Variants in USP15 observed in about 807,000 individuals in gnomAD.
USP15 encodes ubiquitin specific peptidase 15.
USP15 carries 18 observed loss-of-function variants against 127.1 expected under a neutral mutation model. The ratio of observed to expected loss-of-function variants is 0.14; its 90% CI spans 0.10 to 0.21. The LOEUF (loss-of-function observed/expected upper bound fraction) is 0.21, where lower values mean the gene tolerates loss of function less well. USP15 is among the 10% of genes least tolerant of loss of function. The pLI, the probability that USP15 is intolerant of heterozygous loss-of-function variation, is 1.00. For synonymous variants in USP15, 364 were observed against 393.7 expected (o/e 0.92, Z 0.89); for missense variants, 805 against 1,159.9 (o/e 0.69, Z 4.44).
At chr12:62,324,947 A>T (rs1323439867) in intron 5 of USP15, among the ~76,000 whole-genome samples, 1 of 152,048 alleles carries the variant, frequency 6.6e-6, no homozygotes, top group Admixed American at 6.6e-5. Flanking sequence ...AGACTTAATG[A>T]AACAGTAAAT....
chr12:62,400,516 A>G (rs2137663959), intron 20 of USP15, among the ~76,000 whole-genome samples: 1 of 151,192 alleles, frequency 6.6e-6, no homozygotes. Flanking sequence ...TTCCTCAAAT[A>G]TGTTTGATCT....
At position 62,411,520 on chromosome 12, in the gene USP15, C is replaced by T. The variant is rs974177116; in HGVS notation, c.*7145C>T. Reference sequence around the variant, plus strand: ...TTCGTAACACATTTAGAACCTTTGCCTTCAGCTGACATGAATTATGTTGTC... The same window carrying T: ...TTCGTAACACATTTAGAACCTTTGCTTTCAGCTGACATGAATTATGTTGTC... On this transcript the variant is annotated 3_prime_UTR_variant, in exon 22 of 22. Coordinates refer to ENST00000280377, the MANE Select transcript of USP15 (RefSeq NM_001252078.2). The T allele has an allele frequency of 5.9e-5, 9 of 152,172 alleles. No individual in the cohort carries two copies. The highest frequency in any genetic ancestry group is 2.2e-4 in the African/African-American group (9 of 41,428). 9.4% of individuals were successfully genotyped at this position (152,172 alleles called of 1,614,324 possible). A position where few individuals can be genotyped will look rare whatever the true frequency, so the allele number is the denominator to read the frequency against.
At chr12:62,330,452 A>G (rs2131437) in intron 6 of USP15, among the ~76,000 whole-genome samples, 130,977 of 151,690 alleles carry the variant, frequency 0.86, 56,880 homozygotes, top group African/African-American at 0.95. Flanking sequence ...AGGCATGGTA[A>G]CAGGCGCCTG....
chr12:62,336,568 T>A, intron 6 of USP15: 8 of 846,262 alleles, frequency 9.5e-6, no homozygotes, highest in Non-Finnish European at 1.1e-5. Flanking sequence ...ATTTGTCATA[T>A]TCGAAATTGA....
chr12:62,283,208 A>C (rs1029737293), intron 1 of USP15, among the ~76,000 whole-genome samples: 11 of 152,226 alleles, frequency 7.2e-5, no homozygotes, highest in Non-Finnish European at 1.5e-4. Context: ...AGTAAAAGCT[A>C]TTCCAGGTTT....
At chr12:62,287,938 A>G (rs767369168) in intron 1 of USP15, among the ~76,000 whole-genome samples, 9 of 152,098 alleles carry the variant, frequency 5.9e-5, no homozygotes, top group Non-Finnish European at 1.3e-4. Flanking sequence ...ATTCTGTTCC[A>G]TTGATCTGTG....
At chr12:62,379,035 A>G (rs951380424) in intron 8 of USP15, among the ~76,000 whole-genome samples, 1 of 152,068 alleles carries the variant, frequency 6.6e-6, no homozygotes, top group East Asian at 1.9e-4. Context: ...ATTTGGCAAA[A>G]CAAACTAAAA....
intron 1 of USP15, among the ~76,000 whole-genome samples, chr12:62,286,852 G>C (rs542171615): frequency 6.6e-6 from 1 of 151,490 alleles, no homozygotes; most frequent in African/African-American, 2.4e-5. Context: ...CAGGGGAATC[G>C]CTTGAACCCG....
intron 1 of USP15, among the ~76,000 whole-genome samples, chr12:62,262,770 A>G (rs2063104689): frequency 6.6e-6 from 1 of 152,172 alleles, no homozygotes; most frequent in African/African-American, 2.4e-5. Flanking sequence ...CCAAAATGCT[A>G]GTATTACAAG....
chr12:62,332,515 T>A (rs779691084), intron 6 of USP15, among the ~76,000 whole-genome samples: 3 of 152,192 alleles, frequency 2.0e-5, no homozygotes, highest in Admixed American at 6.5e-5. Flanking sequence ...TACAGTGGAG[T>A]CATTATAGAA....
At chr12:62,321,761 C>G (rs2064991086) in intron 5 of USP15, 152 bp downstream of exon 5, 1 of 532,932 alleles carries the variant, frequency 1.9e-6, no homozygotes, top group South Asian at 9.3e-5. Context: ...GTTACTGACT[C>G]TGACTTTTGA....
intron 1 of USP15, among the ~76,000 whole-genome samples, chr12:62,293,077 G>A (rs2064022301): frequency 6.6e-6 from 1 of 152,150 alleles, no homozygotes; most frequent in Admixed American, 6.5e-5. Context: ...TTGCAGTCTG[G>A]TGTAACACCC....
intron 19 of USP15, among the ~76,000 whole-genome samples, chr12:62,395,052 GC>G (rs1441844875): frequency 6.6e-6 from 1 of 152,116 alleles, no homozygotes; most frequent in African/African-American, 2.4e-5. Flanking sequence ...AAAGGATGTT[GC>G]CCATTTCGGG....
At chr12:62,314,650 T>C in intron 3 of USP15, 140 bp from the exon 4 acceptor site, 1 of 783,554 alleles carries the variant, frequency 1.3e-6, no homozygotes, top group Non-Finnish European at 1.8e-6. Flanking sequence ...TATCTTTTTT[T>C]ATATATATTG....
intron 1 of USP15, among the ~76,000 whole-genome samples, chr12:62,272,868 G>T (rs534956128): frequency 2.0e-5 from 3 of 151,952 alleles, no homozygotes; most frequent in Admixed American, 2.0e-4. Context: ...AGTTTTTGAC[G>T]TAGTATTTCA....
chr12:62,260,627 G>A, intron 1 of USP15, 124 bp downstream of exon 1: 1 of 896,532 alleles, frequency 1.1e-6, no homozygotes, highest in South Asian at 1.7e-5. Flanking sequence ...CGCCGGGGCA[G>A]CGGGATTTTG....
intron 3 of USP15, among the ~76,000 whole-genome samples, chr12:62,308,099 G>A (rs1380636994): frequency 6.6e-6 from 1 of 152,066 alleles, no homozygotes; most frequent in African/African-American, 2.4e-5. Flanking sequence ...TGTGCTATTT[G>A]TAGTTTCAGG....
intron 11 of USP15, among the ~76,000 whole-genome samples, chr12:62,386,663 T>C (rs963571496): frequency 6.6e-6 from 1 of 152,076 alleles, no homozygotes; most frequent in Non-Finnish European, 1.5e-5. Context: ...GTAGTTAATA[T>C]GGCAAGCAGG....
chr12:62,355,610 A>G lies in USP15; in HGVS notation c.915+135A>G, dbSNP rs1011805499. The G allele has an allele frequency of 1.0e-5, 10 of 994,328 alleles. No individual in the cohort carries two copies. In the Admixed American group the frequency reaches 1.2e-4, roughly 12 times the overall value. 61.6% of individuals were successfully genotyped at this position (994,328 alleles called of 1,614,324 possible). On this transcript the variant is annotated intron_variant, in intron 8 of 21. Coordinates refer to ENST00000280377, the MANE Select transcript of USP15 (RefSeq NM_001252078.2). ...TTTTTCATGGAAGATTTAAGCATAC[A>G]TATTTGACTTATTCATTCTACTACT...
Sources: gnomAD v4.1 joint callset for allele counts (sites outside exome capture counted in the v4.1 genomes callset) on GRCh38, gnomAD v4.1.1 for gene constraint, MANE v1.5 for transcripts, NCBI Gene and HGNC (gene_info 2026-07-23, HGNC 2026-07-21) for gene names.